SLC4A10: variants seen among roughly 807,000 people sequenced by gnomAD.
The protein encoded by SLC4A10 is sodium-driven chloride bicarbonate exchanger.
In SLC4A10, 42 loss-of-function variants were observed where a neutral mutation model predicts 137.7. That is an observed-to-expected ratio of 0.30 (90% CI 0.24 to 0.39). The LOEUF (loss-of-function observed/expected upper bound fraction) is 0.39, where lower values mean the gene tolerates loss of function less well. Ranked by LOEUF, SLC4A10 falls within the 10% of genes least tolerant of loss-of-function variation. SLC4A10 has a pLI of 1.00. For missense variants in SLC4A10, 925 were observed against 1,355.0 expected (o/e 0.68, Z 4.98); for synonymous variants, 474 against 464.1 (o/e 1.02, Z -0.27).
intron 3 of SLC4A10, among the ~76,000 whole-genome samples, chr2:161,833,015 G>A (rs56091742): frequency 0.068 from 10,279 of 152,272 alleles, 452 homozygotes; most frequent in East Asian, 0.17. Context: ...GCAGTGTTGG[G>A]ATTACAGGCG....
At chr2:161,823,450 A>T (rs2057783418) in intron 3 of SLC4A10, among the ~76,000 whole-genome samples, 2 of 152,230 alleles carry the variant, frequency 1.3e-5, no homozygotes, top group Admixed American at 1.3e-4. Flanking sequence ...TTGCCGTAAA[A>T]AGAATGATCT....
At chr2:161,836,389 T>C (rs950322439) in intron 3 of SLC4A10, among the ~76,000 whole-genome samples, 1 of 151,938 alleles carries the variant, frequency 6.6e-6, no homozygotes, top group Middle Eastern at 3.4e-3. Flanking sequence ...TCCCAGCTAC[T>C]TGGGAGGCTG....
chr2:161,940,892 G>T (rs547436821), intron 15 of SLC4A10, among the ~76,000 whole-genome samples: 4 of 152,034 alleles, frequency 2.6e-5, no homozygotes, highest in African/African-American at 4.8e-5. Flanking sequence ...TTACTTGAGC[G>T]CAGGAGTTTG....
chr2:161,642,844 T>C (rs2035504455), intron 1 of SLC4A10, among the ~76,000 whole-genome samples: 1 of 152,016 alleles, frequency 6.6e-6, no homozygotes, highest in Non-Finnish European at 1.5e-5. Flanking sequence ...AATTCCCATT[T>C]TAAGTCAATA....
At chr2:161,906,569 T>C (rs942597093) in intron 15 of SLC4A10, among the ~76,000 whole-genome samples, 3 of 152,210 alleles carry the variant, frequency 2.0e-5, no homozygotes, top group African/African-American at 7.2e-5. Flanking sequence ...CATTATTTAA[T>C]TGTAGAATTT....
intron 2 of SLC4A10, among the ~76,000 whole-genome samples, chr2:161,795,748 A>T (rs11891120): frequency 0.26 from 39,609 of 151,976 alleles, 7,597 homozygotes; most frequent in African/African-American, 0.55. Flanking sequence ...TAGTCCATAG[A>T]TTGCAGCGAT....
intron 1 of SLC4A10, among the ~76,000 whole-genome samples, chr2:161,707,227 G>A (rs1039616571): frequency 6.6e-6 from 1 of 151,440 alleles, no homozygotes; most frequent in Non-Finnish European, 1.5e-5. Flanking sequence ...AACCTGTGCA[G>A]TTAGAGTCAG....
intron 6 of SLC4A10, among the ~76,000 whole-genome samples, chr2:161,870,550 C>T (rs2061055091): frequency 6.6e-6 from 1 of 151,816 alleles, no homozygotes; most frequent in African/African-American, 2.4e-5. Flanking sequence ...TTAAATATAT[C>T]TAATGTTCTA....
chr2:161,645,339 TTGTTA>T (rs1189305378), intron 1 of SLC4A10, among the ~76,000 whole-genome samples: 1 of 152,080 alleles, frequency 6.6e-6, no homozygotes, highest in East Asian at 1.9e-4. Context: ...ACAAGACTTC[TTGTTA>T]TAATATTTTC....
intron 1 of SLC4A10, among the ~76,000 whole-genome samples, chr2:161,679,451 T>C (rs983434956): frequency 6.6e-6 from 1 of 152,052 alleles, no homozygotes; most frequent in African/African-American, 2.4e-5. Context: ...GTACAGTCTG[T>C]TTAGGGAGGT....
chr2:161,882,318 A>T, intron 9 of SLC4A10, 39 bp from the exon 10 acceptor site: 1 of 1,276,522 alleles, frequency 7.8e-7, no homozygotes, highest in Non-Finnish European at 1.1e-6. Context: ...TTATTTTTAT[A>T]TTTCTACCTT....
chr2:161,630,080 A>C lies in SLC4A10; in HGVS notation c.48+5514A>C, dbSNP rs533929090. Among the ~76,000 whole-genome samples, 7 of 151,898 alleles carry C rather than the reference A, an allele frequency of 4.6e-5. No homozygotes were observed. In the East Asian group the frequency reaches 1.4e-3, roughly 29 times the overall value. ...GGATGTTATTACTGGATTGTATAAG[A>C]GTATTTAGTATTTTTAAAAACTGCC... On this transcript the variant is annotated intron_variant, in intron 1 of 26. Coordinates refer to ENST00000446997, the MANE Select transcript of SLC4A10 (RefSeq NM_001178015.2).
At chr2:161,882,979 T>TA (rs1432961357) in intron 10 of SLC4A10, among the ~76,000 whole-genome samples, 1 of 152,144 alleles carries the variant, frequency 6.6e-6, no homozygotes, top group Non-Finnish European at 1.5e-5. Context: ...TTTTTCTATG[T>TA]AAAAAATTTG....
At chr2:161,949,621 A>C (rs982135885) in intron 18 of SLC4A10, among the ~76,000 whole-genome samples, 1 of 152,060 alleles carries the variant, frequency 6.6e-6, no homozygotes, top group Non-Finnish European at 1.5e-5. Flanking sequence ...AGATAAAAAT[A>C]GATTGGGAAT....
intron 1 of SLC4A10, among the ~76,000 whole-genome samples, chr2:161,652,886 T>C (rs2037000803): frequency 6.6e-6 from 1 of 151,570 alleles, no homozygotes; most frequent in Admixed American, 6.6e-5. Flanking sequence ...AGTTCCAGGA[T>C]ACATGTGCAT....
chr2:161,967,986 C>G (rs80283637), intron 23 of SLC4A10, among the ~76,000 whole-genome samples: 1 of 148,336 alleles, frequency 6.7e-6, no homozygotes, highest in East Asian at 2.0e-4. Context: ...AAAAAAAAAA[C>G]GAACACAGCC....
chr2:161,897,232 T>C lies in SLC4A10; in HGVS notation c.1341+2407T>C, dbSNP rs2063596469. ...ATTGCTATTTTTTAGGGTCATTTTTTAAATTGCAGGCATGAGTATTAAGAG... is the reference window on the plus strand; with the variant it reads ...ATTGCTATTTTTTAGGGTCATTTTTCAAATTGCAGGCATGAGTATTAAGAG... On this transcript the variant is annotated intron_variant, in intron 11 of 26. Transcript: ENST00000446997. Among the ~76,000 whole-genome samples, 3 of 152,124 alleles carry C rather than the reference T, an allele frequency of 2.0e-5. 1 individual carries two copies. In the South Asian group the frequency reaches 6.2e-4, roughly 32 times the overall value.
intron 3 of SLC4A10, among the ~76,000 whole-genome samples, chr2:161,828,196 G>A (rs2125720702): frequency 6.6e-6 from 1 of 152,226 alleles, no homozygotes; most frequent in Non-Finnish European, 1.5e-5. Flanking sequence ...TGCGCATTTG[G>A]ACTTGTGCTC....
At chr2:161,806,594 T>G (rs1240896309) in intron 3 of SLC4A10, among the ~76,000 whole-genome samples, 1 of 152,114 alleles carries the variant, frequency 6.6e-6, no homozygotes, top group Non-Finnish European at 1.5e-5. Context: ...AGGGCAGGGG[T>G]AAAACACTGC....
Sources: gnomAD v4.1 joint callset for allele counts (sites outside exome capture counted in the v4.1 genomes callset) on GRCh38, gnomAD v4.1.1 for gene constraint, MANE v1.5 for transcripts, NCBI Gene and HGNC (gene_info 2026-07-23, HGNC 2026-07-21) for gene names.